RANBP2: variants seen among roughly 807,000 people sequenced by gnomAD.
RANBP2 encodes E3 SUMO-protein ligase RanBP2.
Under a neutral mutation model 303.6 loss-of-function variants are expected in RANBP2, and 57 were observed. The ratio of observed to expected loss-of-function variants is 0.19; its 90% CI spans 0.15 to 0.23. RANBP2 has a LOEUF of 0.23. Among genes scored for constraint, RANBP2 ranks in the 10% least tolerant of loss-of-function variants. The pLI is 1.00. For synonymous variants in RANBP2, 1,167 were observed against 1,301.5 expected (o/e 0.90, Z 2.23); for missense variants, 3,138 against 3,780.8 (o/e 0.83, Z 4.46).
the RANBP2 span, among the ~76,000 whole-genome samples, chr2:109,622,659 C>T: frequency 6.6e-6 from 1 of 152,176 alleles, no homozygotes; most frequent in Non-Finnish European, 1.5e-5. Context: ...AGGCTCACCT[C>T]CCCTCTGTCC....
chr2:109,717,219 G>A, the RANBP2 span, among the ~76,000 whole-genome samples: 9 of 137,918 alleles, frequency 6.5e-5, no homozygotes, highest in South Asian at 2.1e-3. Context: ...AAAATCAAAT[G>A]TATTTCAATA....
the RANBP2 span, among the ~76,000 whole-genome samples, chr2:109,579,951 T>A: frequency 6.6e-6 from 1 of 151,590 alleles, no homozygotes. Context: ...TGAAACCCTG[T>A]CTCTACTAAA....
chr2:109,197,171 G>A, the RANBP2 span, among the ~76,000 whole-genome samples: 2 of 152,306 alleles, frequency 1.3e-5, no homozygotes, highest in East Asian at 3.9e-4. Context: ...CAGCCCTGCG[G>A]CCCAGGAAGG....
the RANBP2 span, among the ~76,000 whole-genome samples, chr2:109,633,052 C>T: frequency 2.0e-5 from 3 of 152,076 alleles, no homozygotes; most frequent in Non-Finnish European, 4.4e-5. Context: ...AAGGCACATC[C>T]ACTGGAATTT....
chr2:109,575,280 G>A, the RANBP2 span, among the ~76,000 whole-genome samples: 1 of 152,308 alleles, frequency 6.6e-6, no homozygotes, highest in African/African-American at 2.4e-5. Context: ...AACTAACTGA[G>A]AAAATGCATA....
chr2:109,071,106 G>C, the RANBP2 span, among the ~76,000 whole-genome samples: 1 of 152,216 alleles, frequency 6.6e-6, no homozygotes, highest in African/African-American at 2.4e-5. Context: ...TTTCACACTA[G>C]TACAGCAATA....
the RANBP2 span, among the ~76,000 whole-genome samples, chr2:109,368,123 C>A: frequency 6.6e-6 from 1 of 152,096 alleles, no homozygotes; most frequent in Non-Finnish European, 1.5e-5. Flanking sequence ...GATTTTTGGC[C>A]TTGGCCTATT....
the RANBP2 span, among the ~76,000 whole-genome samples, chr2:109,402,945 G>T: frequency 6.6e-6 from 1 of 152,180 alleles, no homozygotes; most frequent in African/African-American, 2.4e-5. Flanking sequence ...GAGATGGGCT[G>T]CTTGCTGGGC....
At chr2:108,978,749 G>T in the RANBP2 span, among the ~76,000 whole-genome samples, 1 of 152,216 alleles carries the variant, frequency 6.6e-6, no homozygotes, top group Non-Finnish European at 1.5e-5. Flanking sequence ...GCAGGTTTTG[G>T]TATGGAGACA....
At chr2:109,037,095 G>C in the RANBP2 span, among the ~76,000 whole-genome samples, 2 of 152,022 alleles carry the variant, frequency 1.3e-5, no homozygotes, top group African/African-American at 4.8e-5. Context: ...GTTGCAGTGA[G>C]CCAAGATCAT....
the RANBP2 span, among the ~76,000 whole-genome samples, chr2:109,427,463 C>T: frequency 6.6e-6 from 1 of 152,174 alleles, no homozygotes; most frequent in Non-Finnish European, 1.5e-5. Context: ...CACAGGTATG[C>T]CTGTACCTGG....
At chr2:109,647,492 G>A in the RANBP2 span, among the ~76,000 whole-genome samples, 1 of 145,570 alleles carries the variant, frequency 6.9e-6, no homozygotes, top group East Asian at 2.1e-4. Flanking sequence ...TTTTTGAGAT[G>A]GAGTCTCACT....
the RANBP2 span, among the ~76,000 whole-genome samples, chr2:109,060,563 C>T: frequency 1.3e-5 from 2 of 152,208 alleles, no homozygotes; most frequent in African/African-American, 2.4e-5. Flanking sequence ...ATAGATAATA[C>T]TCAATTTTCT....
the RANBP2 span, among the ~76,000 whole-genome samples, chr2:109,075,119 AAACT>A: frequency 6.7e-6 from 1 of 150,180 alleles, no homozygotes; most frequent in Non-Finnish European, 1.5e-5. Context: ...GAAAAGGAAC[AAACT>A]AAGCCCAAAG....
At chr2:108,794,366 C>T in the RANBP2 span, 1 of 186,552 alleles carries the variant, frequency 5.4e-6, no homozygotes, top group African/African-American at 2.4e-5. Context: ...ATACCCTTCA[C>T]CCAAATTTTC....
the RANBP2 span, among the ~76,000 whole-genome samples, chr2:108,855,946 GT>G: frequency 6.6e-6 from 1 of 151,810 alleles, no homozygotes; most frequent in Non-Finnish European, 1.5e-5. Context: ...AGCATGAACG[GT>G]TTTTTTTCCC....
the RANBP2 span, among the ~76,000 whole-genome samples, chr2:108,898,982 GA>G: frequency 6.6e-6 from 1 of 152,180 alleles, no homozygotes; most frequent in African/African-American, 2.4e-5. Flanking sequence ...AAGGAGAGGA[GA>G]AGAGAGTGGG....
intron 18 of RANBP2, among the ~76,000 whole-genome samples, chr2:108,759,851 A>C (rs968222153): frequency 2.0e-5 from 3 of 152,150 alleles, no homozygotes; most frequent in African/African-American, 4.8e-5. Context: ...TTCTGTGTAC[A>C]GGCATAAAAG....
the RANBP2 span, among the ~76,000 whole-genome samples, chr2:109,594,264 A>G: frequency 1.6e-5 from 2 of 121,528 alleles, no homozygotes; most frequent in African/African-American, 3.4e-5. Context: ...TATTAATATG[A>G]ATGTGGTAAA....
Sources: allele counts gnomAD v4.1 joint callset (sites outside exome capture counted in the v4.1 genomes callset), GRCh38; gene constraint gnomAD v4.1.1; transcripts MANE v1.5; gene names NCBI Gene and HGNC (gene_info 2026-07-23, HGNC 2026-07-21).